Variants in PTPRD observed in about 807,000 individuals in gnomAD.
The protein encoded by PTPRD is protein tyrosine phosphatase receptor type D, also known as receptor-type tyrosine-protein phosphatase delta.
A neutral mutation model predicts 214.5 loss-of-function variants in PTPRD; 34 were observed. That is an observed-to-expected ratio of 0.16 (90% CI 0.12 to 0.21). The LOEUF (loss-of-function observed/expected upper bound fraction) is 0.21. Ranked by LOEUF, PTPRD falls within the 10% of genes least tolerant of loss-of-function variation. The pLI, the probability that PTPRD is intolerant of heterozygous loss-of-function variation, is 1.00. For missense variants in PTPRD, 2,545 were observed against 2,398.7 expected, an observed-to-expected ratio of 1.06 and a Z score of -1.27; for synonymous variants, 1,128 against 845.7, an observed-to-expected ratio of 1.33 and a Z score of -5.79.
At chr9:8,326,242 C>T (rs1170880031) in intron 44 of PTPRD, among the ~76,000 whole-genome samples, 1 of 152,110 alleles carries the variant, frequency 6.6e-6, no homozygotes, top group Admixed American at 6.6e-5. Context: ...GAGATACGTT[C>T]CATCAGTACC....
At chr9:8,513,597 T>G (rs766992581) in intron 21 of PTPRD, among the ~76,000 whole-genome samples, 17 of 152,206 alleles carry the variant, frequency 1.1e-4, no homozygotes, top group Middle Eastern at 3.4e-3. Flanking sequence ...TAAATTTTTA[T>G]AGGGTTAGAG....
chr9:8,775,256 T>C (rs1402442839), intron 11 of PTPRD, among the ~76,000 whole-genome samples: 3 of 152,134 alleles, frequency 2.0e-5, no homozygotes, highest in Admixed American at 6.6e-5. Flanking sequence ...ATATGGTCTG[T>C]TTAAGCTTTG....
chr9:8,889,789 T>C (rs971903237), intron 11 of PTPRD, among the ~76,000 whole-genome samples: 1 of 152,246 alleles, frequency 6.6e-6, no homozygotes, highest in Non-Finnish European at 1.5e-5. Context: ...AATGTCATTA[T>C]TTCATTTGTT....
chr9:10,133,224 G>C lies in PTPRD; in HGVS notation c.-544-99434C>G, dbSNP rs149316777. On this transcript the variant is annotated intron_variant, in intron 3 of 45. Coordinates refer to ENST00000381196, the MANE Select transcript of PTPRD (RefSeq NM_002839.4). ...TAACGGTGCTGAAGTATATGTCCAGGTGATACAGAGGAGAACTGAAACAGC... is the reference window on the plus strand; with the variant it reads ...TAACGGTGCTGAAGTATATGTCCAGCTGATACAGAGGAGAACTGAAACAGC... 4.2e-3 allele frequency among the ~76,000 whole-genome samples: 635 copies of C among 152,204 alleles called. 7 individuals are homozygous for C. The highest frequency in any genetic ancestry group is 8.9e-3 in the African/African-American group (369 of 41,526).
chr9:8,510,553 C>T (rs182335944), intron 21 of PTPRD, among the ~76,000 whole-genome samples: 29 of 152,252 alleles, frequency 1.9e-4, no homozygotes, highest in African/African-American at 6.5e-4. Context: ...TAAAACCTTT[C>T]CATTCTTAAT....
chr9:9,916,343 G>A (rs893025669), intron 5 of PTPRD, among the ~76,000 whole-genome samples: 1 of 151,662 alleles, frequency 6.6e-6, no homozygotes, highest in Admixed American at 6.6e-5. Context: ...TATCACTATA[G>A]AAAACCAACC....
chr9:9,443,812 C>T lies in PTPRD; in HGVS notation c.-236-46330G>A, dbSNP rs186738134. The stretch of plus-strand genomic sequence containing the variant: ...CTCTGGAGGTCCTGGTCCTCAGTAT[C>T]AGTAAAAAAGATGATGCTTTAAGCT... On this transcript the variant is annotated intron_variant, in intron 8 of 45. Coordinates refer to ENST00000381196, the MANE Select transcript of PTPRD (RefSeq NM_002839.4). Among the ~76,000 whole-genome samples, 8 of 152,200 alleles carry T rather than the reference C, an allele frequency of 5.3e-5. No individual in the cohort carries two copies. The East Asian group carries it at 1.2e-3, about 22-fold the overall frequency.
chr9:8,652,679 C>T (rs994076856), intron 12 of PTPRD, among the ~76,000 whole-genome samples: 12 of 152,260 alleles, frequency 7.9e-5, no homozygotes, highest in African/African-American at 2.4e-4. Context: ...GGCCTTTTTG[C>T]ACCACTCTAA....
chr9:8,736,903 C>G (rs901210967), intron 11 of PTPRD, among the ~76,000 whole-genome samples: 2 of 152,190 alleles, frequency 1.3e-5, no homozygotes, highest in Non-Finnish European at 2.9e-5. Context: ...GGAATCAGCT[C>G]TCCCCTCCCC....
At chr9:10,136,496 A>G (rs1417471721) in intron 3 of PTPRD, among the ~76,000 whole-genome samples, 1 of 152,166 alleles carries the variant, frequency 6.6e-6, no homozygotes, top group Non-Finnish European at 1.5e-5. Flanking sequence ...AAGCAAGTCT[A>G]AATAAATTCC....
chr9:9,245,948 G>A (rs921934680), intron 9 of PTPRD, among the ~76,000 whole-genome samples: 2 of 152,064 alleles, frequency 1.3e-5, no homozygotes, highest in Non-Finnish European at 2.9e-5. Context: ...TCCAGTCTGA[G>A]ATTCCTTATA....
At chr9:10,259,537 A>G (rs1038189315) in intron 3 of PTPRD, among the ~76,000 whole-genome samples, 4 of 152,170 alleles carry the variant, frequency 2.6e-5, no homozygotes, top group African/African-American at 7.2e-5. Flanking sequence ...CTTTAGGATC[A>G]GCCCAAGACA....
At chr9:9,877,381 A>G (rs2067189195) in intron 5 of PTPRD, among the ~76,000 whole-genome samples, 1 of 152,118 alleles carries the variant, frequency 6.6e-6, no homozygotes, top group African/African-American at 2.4e-5. Flanking sequence ...AAAGACTTCA[A>G]GCCACTTTTC....
chr9:10,301,147 A>G (rs1487656708), intron 3 of PTPRD, among the ~76,000 whole-genome samples: 1 of 152,190 alleles, frequency 6.6e-6, no homozygotes, highest in Non-Finnish European at 1.5e-5. Flanking sequence ...GACCTCCAGC[A>G]AACTCCAGCA....
At position 10,401,521 on chromosome 9, in the gene PTPRD, C is replaced by T. The variant is rs146635755; in HGVS notation, c.-599-60504G>A. ...CTTCCAAAAGCTCACAGTATGTAAA[C>T]AGGTATATATAGTATATCTGTGGTG... On this transcript the variant is annotated intron_variant, in intron 2 of 45. Transcript: ENST00000381196. Among the ~76,000 whole-genome samples the T allele has an allele frequency of 6.0e-5, 9 of 150,568 alleles. No individual in the cohort carries two copies. In the East Asian group the frequency reaches 1.6e-3, roughly 27 times the overall value.
In PTPRD at chr9:8,400,101, A is replaced by G. The variant is rs182662461; in HGVS notation, c.4210+4436T>C. Among the ~76,000 whole-genome samples the G allele has an allele frequency of 1.2e-4, 19 of 152,332 alleles. No homozygotes were observed. The East Asian group carries it at 3.5e-3, about 28-fold the overall frequency. ...TTTAGACTTGGCTAACACTTTTCTA[A>G]AAATCCATGTCAATAGGGCTTTTAA... is the stretch of plus-strand genomic sequence containing the variant. On this transcript the variant is annotated intron_variant, in intron 36 of 45. Transcript: ENST00000381196.
intron 26 of PTPRD, among the ~76,000 whole-genome samples, chr9:8,494,099 T>A (rs1179550229): frequency 6.6e-6 from 1 of 151,976 alleles, no homozygotes; most frequent in Admixed American, 6.6e-5. Context: ...TGAATATGGA[T>A]AAATTTAGGA....
At chr9:9,032,587 A>G (rs1444490092) in intron 10 of PTPRD, among the ~76,000 whole-genome samples, 1 of 147,768 alleles carries the variant, frequency 6.8e-6, no homozygotes, top group Non-Finnish European at 1.5e-5. Context: ...CTCTGAAAAG[A>G]TGCATAAATA....
At position 8,940,283 on chromosome 9, in the gene PTPRD, T is replaced by TG. The variant is rs71317386; in HGVS notation, c.-104+78413_-104+78414insC. On this transcript the variant is annotated intron_variant, in intron 11 of 45. Transcript: ENST00000381196. ...CACATCTCTCTCTCTCTCTCTCCTTTTTTTTTTTTTTTTTTTTGAGATGGA... is the reference window on the plus strand; with the variant it reads ...CACATCTCTCTCTCTCTCTCTCCTTTGTTTTTTTTTTTTTTTTTGAGATGGA... Among the ~76,000 whole-genome samples, 302 of 101,234 alleles carry TG rather than the reference T, an allele frequency of 3.0e-3. 22 individuals are homozygous for TG. Among genetic ancestry groups the TG allele is most frequent in the African/African-American group, 9.3e-4 (18 of 19,388 alleles). 66.4% of individuals were successfully genotyped at this position (101,234 alleles called of 152,430 possible).
Sources: gnomAD v4.1 joint callset for allele counts (sites outside exome capture counted in the v4.1 genomes callset) on GRCh38, gnomAD v4.1.1 for gene constraint, MANE v1.5 for transcripts, NCBI Gene and HGNC (gene_info 2026-07-23, HGNC 2026-07-21) for gene names.